Variants in NELL1 observed in about 807,000 individuals in gnomAD.
NELL1 encodes neural EGFL like 1.
In NELL1, 76 loss-of-function variants were observed where a neutral mutation model predicts 107.4. The observed-to-expected ratio is 0.71, with a 90% CI of 0.59 to 0.86. The LOEUF is 0.86. Among genes scored for constraint, NELL1 ranks in the 40% least tolerant of loss-of-function variants. The probability of loss-of-function intolerance (pLI) is 0.00; values close to 1 mark genes in which losing one functional copy is unlikely to be tolerated. For missense variants in NELL1, 1,024 were observed against 1,005.5 expected, an observed-to-expected ratio of 1.02 and a Z score of -0.25; for synonymous variants, 353 against 341.2, an observed-to-expected ratio of 1.03 and a Z score of -0.38.
chr11:21,522,052 T>C (rs1280564098), intron 15 of NELL1, among the ~76,000 whole-genome samples: 1 of 152,086 alleles, frequency 6.6e-6, no homozygotes, highest in Admixed American at 6.5e-5. Context: ...CTGCAGACTG[T>C]CTCTTCACTC....
At chr11:20,992,960 G>A (rs1001056321) in intron 12 of NELL1, among the ~76,000 whole-genome samples, 2 of 151,798 alleles carry the variant, frequency 1.3e-5, no homozygotes, top group African/African-American at 4.8e-5. Flanking sequence ...TGATCCGCCC[G>A]CCTTGGCCTC....
intron 3 of NELL1, among the ~76,000 whole-genome samples, chr11:20,818,959 A>G (rs1026746979): frequency 6.6e-6 from 1 of 152,212 alleles, no homozygotes; most frequent in African/African-American, 2.4e-5. Flanking sequence ...CGCATCACAG[A>G]TGAGGAAACT....
chr11:21,221,058 A>T (rs1217867937), intron 13 of NELL1, among the ~76,000 whole-genome samples: 7 of 152,134 alleles, frequency 4.6e-5, no homozygotes, highest in Non-Finnish European at 8.8e-5. Context: ...TGCCTAATTC[A>T]TTGAGAGTTT....
chr11:21,044,905 G>A (rs1189366531), intron 12 of NELL1, among the ~76,000 whole-genome samples: 4 of 152,128 alleles, frequency 2.6e-5, no homozygotes, highest in Non-Finnish European at 4.4e-5. Context: ...GGAATATGTA[G>A]TAATGTCCCT....
intron 13 of NELL1, among the ~76,000 whole-genome samples, chr11:21,135,750 A>C (rs954639275): frequency 5.3e-5 from 8 of 152,234 alleles, no homozygotes; most frequent in Non-Finnish European, 1.0e-4. Flanking sequence ...CCTACAACAT[A>C]GTAGTTGCTC....
intron 7 of NELL1, among the ~76,000 whole-genome samples, chr11:20,920,473 G>C (rs1850353925): frequency 6.6e-6 from 1 of 152,088 alleles, no homozygotes; most frequent in Non-Finnish European, 1.5e-5. Context: ...ACTTTTGTAA[G>C]AAAACAATTG....
intron 2 of NELL1, among the ~76,000 whole-genome samples, chr11:20,758,997 C>A (rs897733622): frequency 3.3e-5 from 5 of 152,088 alleles, no homozygotes; most frequent in African/African-American, 1.2e-4. Flanking sequence ...TTGAGCCTAC[C>A]ATATACCACG....
chr11:21,332,796 A>T (rs1166626045), intron 14 of NELL1, among the ~76,000 whole-genome samples: 1 of 151,856 alleles, frequency 6.6e-6, no homozygotes, highest in East Asian at 1.9e-4. Context: ...AACTGAAATT[A>T]TTTTTTTAAT....
chr11:21,077,430 A>G (rs1238761857), intron 12 of NELL1, among the ~76,000 whole-genome samples: 1 of 152,166 alleles, frequency 6.6e-6, no homozygotes, highest in Admixed American at 6.5e-5. Flanking sequence ...AAACCACCAC[A>G]AGAATATTGA....
chr11:21,567,715 TAA>T (rs1857004586), intron 17 of NELL1, among the ~76,000 whole-genome samples: 1 of 151,798 alleles, frequency 6.6e-6, no homozygotes, highest in African/African-American at 2.4e-5. Flanking sequence ...TTGTTGTGGA[TAA>T]AGTAGATAAA....
intron 11 of NELL1, 39 bp downstream of exon 11, chr11:20,947,474 C>T: frequency 6.9e-7 from 1 of 1,452,670 alleles, no homozygotes; most frequent in Non-Finnish European, 9.7e-7. Context: ...TGGGGTGAGG[C>T]TGGGGCTGGT....
At chr11:20,996,827 C>A (rs942946269) in intron 12 of NELL1, among the ~76,000 whole-genome samples, 1 of 152,254 alleles carries the variant, frequency 6.6e-6, no homozygotes, top group African/African-American at 2.4e-5. Context: ...ATTTACCCAT[C>A]TCCGTAAAAC....
intron 15 of NELL1, among the ~76,000 whole-genome samples, chr11:21,507,149 ACTC>A (rs1300701055): frequency 1.3e-5 from 2 of 152,022 alleles, no homozygotes; most frequent in Non-Finnish European, 2.9e-5. Flanking sequence ...AGACTGCTGA[ACTC>A]CTTCAATCAA....
At chr11:21,012,600 G>T (rs561420396) in intron 12 of NELL1, among the ~76,000 whole-genome samples, 1 of 152,278 alleles carries the variant, frequency 6.6e-6, no homozygotes, top group Non-Finnish European at 1.5e-5. Context: ...CGCTAAAAAT[G>T]AGGCTGGAGT....
chr11:21,263,456 C>G (rs906225306), intron 14 of NELL1, among the ~76,000 whole-genome samples: 3 of 151,970 alleles, frequency 2.0e-5, no homozygotes, highest in African/African-American at 7.2e-5. Flanking sequence ...AAATTCCTGC[C>G]CAGGCAATAA....
chr11:20,828,325 T>A (rs1857929304), intron 3 of NELL1, among the ~76,000 whole-genome samples: 1 of 141,100 alleles, frequency 7.1e-6, no homozygotes, highest in African/African-American at 2.5e-5. Flanking sequence ...GAATATCTTG[T>A]TAATCTTGCA....
chr11:21,544,021 T>G (rs1043874243), intron 16 of NELL1, among the ~76,000 whole-genome samples: 3 of 151,944 alleles, frequency 2.0e-5, no homozygotes, highest in African/African-American at 7.2e-5. Context: ...TCATTCTCAG[T>G]CTTTTGAATA....
At chr11:21,443,875 A>AG (rs1429350565) in intron 15 of NELL1, among the ~76,000 whole-genome samples, 1 of 151,892 alleles carries the variant, frequency 6.6e-6, no homozygotes, top group Non-Finnish European at 1.5e-5. Context: ...AAGAAAAAAA[A>AG]AAGAAAAGTA....
intron 15 of NELL1, among the ~76,000 whole-genome samples, chr11:21,379,398 T>C (rs944316877): frequency 1.9e-4 from 29 of 152,066 alleles, no homozygotes; most frequent in African/African-American, 6.5e-4. Context: ...TTAAATAAAC[T>C]CTCATAAGCT....
Sources: gnomAD v4.1 joint callset for allele counts (sites outside exome capture counted in the v4.1 genomes callset) on GRCh38, gnomAD v4.1.1 for gene constraint, MANE v1.5 for transcripts, NCBI Gene and HGNC (gene_info 2026-07-23, HGNC 2026-07-21) for gene names.